The following GRIP1 variants were observed in gnomAD, a reference collection of about 807,000 sequenced individuals.
GRIP1 encodes glutamate receptor interacting protein 1.
Under a neutral mutation model 129.9 loss-of-function variants are expected in GRIP1, and 45 were observed. That is an observed-to-expected ratio of 0.35 (90% confidence interval 0.27 to 0.44). The LOEUF (loss-of-function observed/expected upper bound fraction) is 0.44, where lower values mean the gene tolerates loss of function less well. Ranked by LOEUF, GRIP1 falls within the 20% of genes least tolerant of loss-of-function variation. GRIP1 has a pLI of 1.00. For missense variants in GRIP1, 1,196 were observed against 1,396.8 expected, an observed-to-expected ratio of 0.86 and a Z score of 2.29; for synonymous variants, 530 against 520.8, an observed-to-expected ratio of 1.02 and a Z score of -0.24.
At chr12:66,875,750 G>C (rs532377528) in intron 1 of GRIP1, among the ~76,000 whole-genome samples, 2 of 151,938 alleles carry the variant, frequency 1.3e-5, no homozygotes, top group Non-Finnish European at 2.9e-5. Flanking sequence ...AAATTAAACA[G>C]AAAAAGTAAT....
At chr12:67,052,672 A>G (rs2043365344) in intron 1 of GRIP1, among the ~76,000 whole-genome samples, 1 of 151,126 alleles carries the variant, frequency 6.6e-6, no homozygotes, top group Non-Finnish European at 1.5e-5. Flanking sequence ...AGGCAGGAGA[A>G]TGGCGTAAAC....
chr12:66,738,346 A>G (rs2036676324), intron 1 of GRIP1, among the ~76,000 whole-genome samples: 1 of 151,698 alleles, frequency 6.6e-6, no homozygotes, highest in Non-Finnish European at 1.5e-5. Context: ...CAGCCTCCCA[A>G]GTAGCTGGGA....
intron 1 of GRIP1, among the ~76,000 whole-genome samples, chr12:66,723,836 G>A (rs1370816297): frequency 6.6e-6 from 1 of 152,106 alleles, no homozygotes; most frequent in Non-Finnish European, 1.5e-5. Context: ...CCAGATTTGG[G>A]GATCATTTTG....
At chr12:66,510,028 G>A (rs2138865819) in intron 7 of GRIP1, among the ~76,000 whole-genome samples, 1 of 152,176 alleles carries the variant, frequency 6.6e-6, no homozygotes, top group Non-Finnish European at 1.5e-5. Context: ...AGGGCTCTCA[G>A]ACCCAATCAT....
At chr12:67,030,913 T>G (rs1394979082) in intron 1 of GRIP1, among the ~76,000 whole-genome samples, 1 of 152,204 alleles carries the variant, frequency 6.6e-6, no homozygotes, top group Non-Finnish European at 1.5e-5. Flanking sequence ...CCTGTCATTT[T>G]TTTCAAGCAA....
intron 1 of GRIP1, among the ~76,000 whole-genome samples, chr12:66,845,805 G>C (rs1380438911): frequency 2.0e-5 from 3 of 152,128 alleles, no homozygotes; most frequent in Non-Finnish European, 4.4e-5. Flanking sequence ...GCCTGAACAA[G>C]AGGACTCTAT....
At chr12:66,845,456 T>C (rs2137061509) in intron 1 of GRIP1, among the ~76,000 whole-genome samples, 1 of 152,248 alleles carries the variant, frequency 6.6e-6, no homozygotes, top group South Asian at 2.1e-4. Flanking sequence ...GACTCCTCTG[T>C]CTCAAACAAA....
chr12:66,692,221 C>A (rs2136318225), intron 1 of GRIP1, among the ~76,000 whole-genome samples: 1 of 152,320 alleles, frequency 6.6e-6, no homozygotes, highest in Middle Eastern at 3.4e-3. Flanking sequence ...GATACAGATT[C>A]TAGGTTGCAG....
At chr12:67,043,188 G>A (rs2043204711) in intron 1 of GRIP1, among the ~76,000 whole-genome samples, 1 of 152,122 alleles carries the variant, frequency 6.6e-6, no homozygotes, top group South Asian at 2.1e-4. Context: ...AATTGATGTA[G>A]CACCTACTCT....
intron 20 of GRIP1, 41 bp from the exon 21 acceptor site, chr12:66,377,326 AC>A: frequency 2.3e-6 from 3 of 1,295,984 alleles, no homozygotes; most frequent in South Asian, 1.2e-5. Context: ...AACTTGCCAG[AC>A]ATTTTTTTTT....
intron 2 of GRIP1, chr12:66,568,945 T>C (rs2062859824): frequency 9.6e-6 from 5 of 522,862 alleles, no homozygotes; most frequent in South Asian, 7.0e-5. Context: ...GATCACAGGT[T>C]CCCAGGGACT....
chr12:66,667,534 G>C (rs2033861859), intron 1 of GRIP1, among the ~76,000 whole-genome samples: 1 of 152,194 alleles, frequency 6.6e-6, no homozygotes, highest in South Asian at 2.1e-4. Flanking sequence ...AATACAAGTA[G>C]CTGGTGTGAG....
chr12:66,785,339 C>CATATATGTATATATAT (rs1242812457), intron 1 of GRIP1, among the ~76,000 whole-genome samples: 1 of 36,458 alleles, frequency 2.7e-5, no homozygotes, highest in Admixed American at 3.4e-4. Context: ...TACATACATA[C>CATATATGTATATATAT]ATACATATAT....
intron 2 of GRIP1, among the ~76,000 whole-genome samples, chr12:66,553,005 A>G (rs546529639): frequency 6.6e-6 from 1 of 152,292 alleles, no homozygotes; most frequent in Admixed American, 6.5e-5. Flanking sequence ...GCCTATATCA[A>G]GGACAGCTCT....
intron 16 of GRIP1, among the ~76,000 whole-genome samples, chr12:66,400,377 C>T (rs1460649230): frequency 6.6e-6 from 1 of 152,174 alleles, no homozygotes; most frequent in East Asian, 1.9e-4. Flanking sequence ...TCCACTGCTC[C>T]TAGGACAGCC....
chr12:67,045,039 A>G (rs1166637010), intron 1 of GRIP1, among the ~76,000 whole-genome samples: 1 of 152,236 alleles, frequency 6.6e-6, no homozygotes, highest in Non-Finnish European at 1.5e-5. Context: ...TGGCAGAGCC[A>G]AGATTTGAAT....
At chr12:66,869,882 G>A (rs2040267307) in intron 1 of GRIP1, among the ~76,000 whole-genome samples, 1 of 152,102 alleles carries the variant, frequency 6.6e-6, no homozygotes, top group African/African-American at 2.4e-5. Flanking sequence ...TGTGGCTGAT[G>A]ACAACACACA....
At chr12:66,905,048 G>A (rs2040908564) in intron 1 of GRIP1, among the ~76,000 whole-genome samples, 2 of 152,156 alleles carry the variant, frequency 1.3e-5, no homozygotes, top group Non-Finnish European at 2.9e-5. Context: ...AAATATTGCT[G>A]AGTCTCTATG....
intron 15 of GRIP1, among the ~76,000 whole-genome samples, chr12:66,416,381 T>C (rs1161840077): frequency 6.6e-6 from 1 of 151,930 alleles, no homozygotes; most frequent in Non-Finnish European, 1.5e-5. Flanking sequence ...GAACCCAAGA[T>C]TAGTGGTAGA....
Sources: gnomAD v4.1 joint callset for allele counts (sites outside exome capture counted in the v4.1 genomes callset) on GRCh38, gnomAD v4.1.1 for gene constraint, MANE v1.5 for transcripts, NCBI Gene and HGNC (gene_info 2026-07-23, HGNC 2026-07-21) for gene names.